PDE3A: variants seen among roughly 807,000 people sequenced by gnomAD.
PDE3A encodes cGMP-inhibited 3',5'-cyclic phosphodiesterase 3A.
A neutral mutation model predicts 98.3 loss-of-function variants in PDE3A; 43 were observed. The ratio of observed to expected loss-of-function variants is 0.44; its 90% CI spans 0.34 to 0.56. The LOEUF is 0.56. PDE3A is among the 20% of genes least tolerant of loss of function. PDE3A has a pLI of 0.01. For missense variants in PDE3A, 1,427 were observed against 1,440.7 expected (o/e 0.99, Z 0.15); for synonymous variants, 663 against 567.9 (o/e 1.17, Z -2.38).
intron 1 of PDE3A, among the ~76,000 whole-genome samples, chr12:20,394,857 A>G (rs1943979705): frequency 6.6e-6 from 1 of 152,026 alleles, no homozygotes; most frequent in Non-Finnish European, 1.5e-5. Context: ...TGCTAGGTAA[A>G]GTTCAGGAGT....
intron 1 of PDE3A, among the ~76,000 whole-genome samples, chr12:20,546,374 C>CA (rs546594865): frequency 0.35 from 50,116 of 143,888 alleles, 9,285 homozygotes; most frequent in East Asian, 0.56. Flanking sequence ...AAAGGACCAC[C>CA]AAAAAAAAAA....
chr12:20,510,350 C>T (rs548209805), intron 1 of PDE3A, among the ~76,000 whole-genome samples: 9 of 152,014 alleles, frequency 5.9e-5, no homozygotes, highest in Admixed American at 4.6e-4. Flanking sequence ...AAATAATCCA[C>T]TAGAATTAGC....
In PDE3A at chr12:20,634,942, C is replaced by G; in HGVS notation, c.1887C>G (p.Asn629Lys). 1 of 1,609,000 alleles carries G rather than the reference C, an allele frequency of 6.2e-7. No individual in the cohort carries two copies. Among genetic ancestry groups the G allele is most frequent in the Non-Finnish European group, 8.5e-7 (1 of 1,175,406 alleles). The stretch of plus-strand genomic sequence containing the variant: ...TTACCTCTGATTATGAAACCAATAA[C>G]AACAGTGACAGCAGTGACATTGTAC... ...AQVTSDYETN[N>K]NSDSSDIVQN... Residue 629 changes from asparagine (N) to lysine (K), a missense_variant, in exon 8 of 16, where the codon AAC becomes AAG. By Grantham distance (94) the Asn-to-Lys change is moderately conservative. Around this residue, in one of 3 missense-constraint regions of PDE3A, gnomAD observed 1,012 missense variants for 886.5 expected, o/e 1.14. Coordinates refer to ENST00000359062, the MANE Select transcript of PDE3A (RefSeq NM_000921.5).
chr12:20,491,184 G>A (rs528562467), intron 1 of PDE3A, among the ~76,000 whole-genome samples: 50 of 152,272 alleles, frequency 3.3e-4, no homozygotes, highest in African/African-American at 1.1e-3. Flanking sequence ...CATCTTTGCC[G>A]ATTCAGTGCC....
intron 1 of PDE3A, among the ~76,000 whole-genome samples, chr12:20,484,137 T>C (rs2121017040): frequency 6.6e-6 from 1 of 152,310 alleles, no homozygotes; most frequent in East Asian, 1.9e-4. Context: ...AGTACTTAAT[T>C]TCTTTATATA....
At chr12:20,514,961 A>T (rs966519606) in intron 1 of PDE3A, among the ~76,000 whole-genome samples, 1 of 152,226 alleles carries the variant, frequency 6.6e-6, no homozygotes, top group African/African-American at 2.4e-5. Flanking sequence ...TAAAAGCTAG[A>T]AAGTTCAAGA....
chr12:20,614,579 A>T (rs1435016768), intron 3 of PDE3A, among the ~76,000 whole-genome samples: 5 of 152,192 alleles, frequency 3.3e-5, no homozygotes, highest in African/African-American at 4.8e-5. Flanking sequence ...CCTGATAAAG[A>T]TATACCTAAG....
chr12:20,646,775 G>A lies in PDE3A; in HGVS notation c.2390G>A (p.Gly797Glu). The change falls in exon 12 of 16, where the codon GGA becomes GAA. Residue 797 changes from glycine (G) to glutamate (E), a missense_variant. Physicochemically the swap from Gly to Glu is moderately conservative, Grantham distance 98 (BLOSUM62 -2). This residue lies in a region of PDE3A where 273 missense variants were observed against 420.3 expected (regional missense o/e 0.65). Coordinates refer to ENST00000359062, the MANE Select transcript of PDE3A (RefSeq NM_000921.5). ...GATTCTGACAGTGGATTTACACATG[G>A]ACATATGGGATATGTATTCTCAAAA... ...DSDSDSGFTHGHMGYVFSKTY... is the reference protein window; with the variant it reads ...DSDSDSGFTHEHMGYVFSKTY... The A allele has an allele frequency of 6.2e-7, 1 of 1,602,886 alleles. No individual in the cohort carries two copies. The highest frequency in any genetic ancestry group is 8.5e-7 in the Non-Finnish European group (1 of 1,169,912).
chr12:20,382,518 C>T (rs1005026093), intron 1 of PDE3A, among the ~76,000 whole-genome samples: 10 of 151,906 alleles, frequency 6.6e-5, no homozygotes, highest in Admixed American at 6.6e-4. Context: ...ATTTCCTCAT[C>T]TGTAAAATAG....
At chr12:20,617,456 A>G (rs889589374) in intron 4 of PDE3A, among the ~76,000 whole-genome samples, 5 of 152,158 alleles carry the variant, frequency 3.3e-5, no homozygotes, top group African/African-American at 9.6e-5. Flanking sequence ...AAACTTGTAA[A>G]TGAGACAAGA....
At chr12:20,614,315 T>C (rs1359891661) in intron 3 of PDE3A, among the ~76,000 whole-genome samples, 1 of 152,170 alleles carries the variant, frequency 6.6e-6, no homozygotes, top group Non-Finnish European at 1.5e-5. Context: ...GAAAGTAAAT[T>C]GTAGGAGGAT....
chr12:20,553,033 G>A (rs1942258845), intron 1 of PDE3A: 5 of 1,458,316 alleles, frequency 3.4e-6, no homozygotes, highest in Non-Finnish European at 3.8e-6. Context: ...TTCTCGACAG[G>A]CGTTTTGCTG....
chr12:20,515,352 T>C (rs1946298670), intron 1 of PDE3A, among the ~76,000 whole-genome samples: 1 of 152,256 alleles, frequency 6.6e-6, no homozygotes, highest in African/African-American at 2.4e-5. Context: ...TCTGAATGCA[T>C]GACCTCAGAA....
intron 1 of PDE3A, among the ~76,000 whole-genome samples, chr12:20,546,428 C>CT (rs1324967820): frequency 6.6e-6 from 1 of 151,940 alleles, no homozygotes; most frequent in Non-Finnish European, 1.5e-5. Context: ...TGAGACTGGC[C>CT]TAAACTATCA....
At chr12:20,646,157 G>T (rs998424374) in intron 10 of PDE3A, among the ~76,000 whole-genome samples, 5 of 152,034 alleles carry the variant, frequency 3.3e-5, no homozygotes, top group African/African-American at 1.2e-4. Context: ...TTTTATGCAG[G>T]AGCATGAAAA....
At chr12:20,521,397 C>A (rs1198348851) in intron 1 of PDE3A, among the ~76,000 whole-genome samples, 1 of 151,918 alleles carries the variant, frequency 6.6e-6, no homozygotes, top group African/African-American at 2.4e-5. Flanking sequence ...AGCATTTTAG[C>A]CAGTCATTTT....
chr12:20,616,685 A>T (rs1275516366), intron 4 of PDE3A, among the ~76,000 whole-genome samples: 2 of 152,178 alleles, frequency 1.3e-5, no homozygotes, highest in Non-Finnish European at 2.9e-5. Flanking sequence ...TTTTATCTAC[A>T]TTGAGATTCA....
intron 2 of PDE3A, among the ~76,000 whole-genome samples, chr12:20,569,640 T>C (rs1202412689): frequency 6.6e-6 from 1 of 152,174 alleles, no homozygotes; most frequent in East Asian, 1.9e-4. Context: ...GTATGAATGA[T>C]AGAATACAGA....
At chr12:20,633,415 C>T (rs1284778052) in intron 6 of PDE3A, among the ~76,000 whole-genome samples, 1 of 152,160 alleles carries the variant, frequency 6.6e-6, no homozygotes, top group Non-Finnish European at 1.5e-5. Flanking sequence ...TTTACCATCA[C>T]TTTCACCTCA....
Sources: allele counts gnomAD v4.1 joint callset (sites outside exome capture counted in the v4.1 genomes callset), GRCh38; gene constraint gnomAD v4.1.1; regional missense constraint gnomAD v4.1.1; transcripts MANE v1.5; gene names NCBI Gene and HGNC (gene_info 2026-07-23, HGNC 2026-07-21).